PLA2G4E: variants seen among roughly 807,000 people sequenced by gnomAD.
PLA2G4E encodes the protein phospholipase A2 group IVE.
Under a neutral mutation model 109.1 loss-of-function variants are expected in PLA2G4E, and 84 were observed. The observed-to-expected ratio is 0.77, with a 90% CI of 0.65 to 0.92. PLA2G4E has a LOEUF of 0.92. Ranked by LOEUF, PLA2G4E falls within the 40% of genes least tolerant of loss-of-function variation. PLA2G4E has a pLI of 0.00. For missense variants in PLA2G4E, 1,057 were observed against 1,076.6 expected, an observed-to-expected ratio of 0.98 and a Z score of 0.25; for synonymous variants, 469 against 436.1, an observed-to-expected ratio of 1.08 and a Z score of -0.94.
At chr15:42,001,594 C>A (rs1040599272) in intron 6 of PLA2G4E, among the ~76,000 whole-genome samples, 5 of 152,204 alleles carry the variant, frequency 3.3e-5, no homozygotes, top group Non-Finnish European at 4.4e-5. Flanking sequence ...TACTCCTTTG[C>A]CACACATTCC....
chr15:42,015,371 C>T (rs951667671), intron 1 of PLA2G4E, among the ~76,000 whole-genome samples: 1 of 152,210 alleles, frequency 6.6e-6, no homozygotes, highest in Non-Finnish European at 1.5e-5. Flanking sequence ...CTGCCTGTTG[C>T]CCTTGGCCCC....
At chr15:42,019,977 A>G (rs575417727) in intron 1 of PLA2G4E, among the ~76,000 whole-genome samples, 15 of 152,310 alleles carry the variant, frequency 9.8e-5, no homozygotes, top group African/African-American at 3.1e-4. Flanking sequence ...AAGCTCTTGG[A>G]GGCTCAAAAA....
exon 20 of PLA2G4E, chr15:41,983,674 G>C: frequency 7.7e-7 from 1 of 1,297,138 alleles, no homozygotes; most frequent in South Asian, 1.3e-5. Flanking sequence ...AGCTGGCTGC[G>C]TAGTAACCTG....
chr15:42,006,170 C>A, intron 3 of PLA2G4E, 49 bp from the exon 4 acceptor site: 2 of 1,606,702 alleles, frequency 1.2e-6, no homozygotes, highest in Non-Finnish European at 1.7e-6. Flanking sequence ...TTGCATTGAC[C>A]CCTTCCCAGA....
intron 3 of PLA2G4E, 104 bp downstream of exon 3, chr15:42,007,625 G>A (rs1595566915): frequency 2.2e-6 from 3 of 1,383,168 alleles, no homozygotes; most frequent in Non-Finnish European, 3.0e-6. Context: ...AGGCAGAAAG[G>A]AAAACAAAGA....
chr15:42,040,809 C>T (rs1171806284), intron 1 of PLA2G4E, among the ~76,000 whole-genome samples: 1 of 152,168 alleles, frequency 6.6e-6, no homozygotes, highest in Non-Finnish European at 1.5e-5. Flanking sequence ...TTGCCTGGCT[C>T]TCAGATACTC....
At chr15:41,989,609 G>T in intron 14 of PLA2G4E, 57 bp from the exon 15 acceptor site, 1 of 1,555,992 alleles carries the variant, frequency 6.4e-7, no homozygotes, top group Non-Finnish European at 8.7e-7. Flanking sequence ...CGTCCACACA[G>T]CCGGGCCCCC....
rs774491795 is a variant in PLA2G4E, at chr15:42,002,700, A to G, written c.567-4T>C. ...GAGGGTCTCAGGTGGAGAGGGACTGAAAAACAAAAGGAGAACTCCTGGTCA... is the reference window on the plus strand; with the variant it reads ...GAGGGTCTCAGGTGGAGAGGGACTGGAAAACAAAAGGAGAACTCCTGGTCA... On this transcript the variant is annotated splice_polypyrimidine_tract_variant and splice_region_variant and intron_variant, in intron 5 of 19. Coordinates refer to ENST00000399518, the Ensembl canonical transcript of PLA2G4E. The G allele has an allele frequency of 1.7e-4, 272 of 1,575,868 alleles. 2 individuals are homozygous for G. The highest frequency in any genetic ancestry group is 2.8e-5 in the Non-Finnish European group (32 of 1,160,390).
chr15:41,984,026 G>A, intron 19 of PLA2G4E, 52 bp from the exon 20 acceptor site: 2 of 1,508,896 alleles, frequency 1.3e-6, no homozygotes, highest in Non-Finnish European at 1.8e-6. Flanking sequence ...AGGTTGGAAT[G>A]ACTTGTTTCC....
At chr15:42,024,972 G>A (rs913267664) in intron 1 of PLA2G4E, among the ~76,000 whole-genome samples, 1 of 152,094 alleles carries the variant, frequency 6.6e-6, no homozygotes, top group African/African-American at 2.4e-5. Context: ...AGGCTGAGGT[G>A]GGTGGATCAC....
intron 1 of PLA2G4E, among the ~76,000 whole-genome samples, chr15:42,035,608 G>T (rs913567077): frequency 6.6e-6 from 1 of 152,160 alleles, no homozygotes; most frequent in African/African-American, 2.4e-5. Flanking sequence ...TGCAAATCAG[G>T]ATAAGAATTT....
At chr15:42,004,172 T>C (rs2068449101) in intron 5 of PLA2G4E, among the ~76,000 whole-genome samples, 1 of 152,098 alleles carries the variant, frequency 6.6e-6, no homozygotes, top group Non-Finnish European at 1.5e-5. Context: ...CATGGTGGTG[T>C]GTTCCTGTAA....
chr15:42,001,170 C>T (rs764924898), exon 7 of PLA2G4E: 81 of 1,613,516 alleles, frequency 5.0e-5, no homozygotes, highest in Admixed American at 4.7e-4. Context: ...TCTCCCTCTT[C>T]CTCCGCCTCC....
At position 41,985,832 on chromosome 15, in the gene PLA2G4E, C is replaced by T. The variant is rs765971433; in HGVS notation, c.2202+7G>A. On this transcript the variant is annotated splice_region_variant and intron_variant, in intron 18 of 19. Transcript: ENST00000399518. ...GCCCATGCTCAGGAGGGAGGCTGCGCACTTGCCTTTGTCTGGGACCCAGCA... is the reference window on the plus strand; with the variant it reads ...GCCCATGCTCAGGAGGGAGGCTGCGTACTTGCCTTTGTCTGGGACCCAGCA... 16 of 1,607,144 alleles carry T rather than the reference C, an allele frequency of 1.0e-5. No individual in the cohort carries two copies. The African/African-American group carries it at 2.0e-4, about 20-fold the overall frequency.
chr15:42,005,074 C>T, intron 4 of PLA2G4E, 96 bp from the exon 5 acceptor site: 1 of 1,427,608 alleles, frequency 7.0e-7, no homozygotes, highest in Non-Finnish European at 9.7e-7. Context: ...GTGGACCTGC[C>T]TCCGTCCTTC....
chr15:41,984,343 T>C, intron 19 of PLA2G4E, 93 bp downstream of exon 19: 1 of 1,356,324 alleles, frequency 7.4e-7, no homozygotes, highest in South Asian at 1.4e-5. Flanking sequence ...GAGCCAGGCT[T>C]CCCCGTTAGT....
chr15:42,035,524 G>A (rs1216030640), intron 1 of PLA2G4E, among the ~76,000 whole-genome samples: 1 of 152,228 alleles, frequency 6.6e-6, no homozygotes, highest in Non-Finnish European at 1.5e-5. Context: ...GTTGAAGGAA[G>A]GGAAAGGCAG....
chr15:42,021,242 C>T (rs1043468756), intron 1 of PLA2G4E, among the ~76,000 whole-genome samples, 200 bp from the exon 1 acceptor site: 3 of 151,844 alleles, frequency 2.0e-5, no homozygotes, highest in African/African-American at 7.3e-5. Context: ...GGGCTCTGGT[C>T]TTTGGGGTCA....
chr15:42,000,167 G>A, exon 8 of PLA2G4E: 2 of 1,595,832 alleles, frequency 1.3e-6, no homozygotes, highest in Non-Finnish European at 1.7e-6. Context: ...ACTTGGGGTA[G>A]TGGAAGCAGG....
Sources: allele counts gnomAD v4.1 joint callset (sites outside exome capture counted in the v4.1 genomes callset), GRCh38; gene constraint gnomAD v4.1.1; transcripts MANE v1.5; gene names NCBI Gene and HGNC (gene_info 2026-07-23, HGNC 2026-07-21).